SLITRK4: variants seen among roughly 807,000 people sequenced by gnomAD.
SLITRK4 encodes the protein SLIT and NTRK like family member 4, also known as SLIT and NTRK-like protein 4.
In SLITRK4, 7 loss-of-function variants were observed where a neutral mutation model predicts 34.7. The ratio of observed to expected loss-of-function variants is 0.20; its 90% CI spans 0.11 to 0.38. The LOEUF (loss-of-function observed/expected upper bound fraction) is 0.38, where lower values mean the gene tolerates loss of function less well. Ranked by LOEUF, SLITRK4 falls within the 10% of genes least tolerant of loss-of-function variation. The pLI, the probability that SLITRK4 is intolerant of heterozygous loss-of-function variation, is 1.00. For synonymous variants in SLITRK4, 237 were observed against 246.2 expected, an observed-to-expected ratio of 0.96 and a Z score of 0.35; for missense variants, 474 against 607.0, an observed-to-expected ratio of 0.78 and a Z score of 2.30.
At position 143,627,227 on chromosome X, in the gene SLITRK4, T is replaced by C. The variant is rs1930822029; in HGVS notation, c.*1368A>G. On this transcript the variant is annotated 3_prime_UTR_variant, in exon 2 of 2. Coordinates refer to ENST00000356928, the MANE Select transcript of SLITRK4 (RefSeq NM_001184749.3). Reference sequence around the variant, plus strand: ...TAGTCTGAATGATGAAAGAACAGGATACTGATGCATACAAGATATAACTAT... The same window carrying C: ...TAGTCTGAATGATGAAAGAACAGGACACTGATGCATACAAGATATAACTAT... 2 of 108,925 alleles carry C rather than the reference T, an allele frequency of 1.8e-5. No homozygotes were observed. The highest frequency in any genetic ancestry group is 6.7e-5 in the African/African-American group (2 of 29,976). 9.0% of individuals were successfully genotyped at this position (108,925 alleles called of 1,213,427 possible). A position where few individuals can be genotyped will look rare whatever the true frequency, so the allele number is the denominator to read the frequency against.
At chrX:143,635,495 C>CACACAT (rs1556431199) in intron 1 of SLITRK4, among the ~76,000 whole-genome samples, 27 of 97,626 alleles carry the variant, frequency 2.8e-4, no homozygotes, top group African/African-American at 9.9e-4. Flanking sequence ...CACACACACA[C>CACACAT]ACACACACAC....
At chrX:143,634,539 TG>T (rs200358161) in intron 1 of SLITRK4, 2,360 of 53,398 alleles carry the variant, frequency 0.044, 53 homozygotes, top group African/African-American at 0.088. Context: ...TGGGGTATGG[TG>T]GGGGGGGGGG....
At position 143,624,815 on chromosome X, in the gene SLITRK4, C is replaced by G. The variant is rs781794835; in HGVS notation, c.*3780G>C. ...GCAAACAAAAGTCATTAAAACAGTT[C>G]TTTTCTGTGATTTACATGAGCTTTT... On this transcript the variant is annotated 3_prime_UTR_variant, in exon 2 of 2. Coordinates refer to ENST00000356928, the MANE Select transcript of SLITRK4 (RefSeq NM_001184749.3). The G allele has an allele frequency of 9.0e-6, 1 of 111,500 alleles. No individual in the cohort carries two copies. Among genetic ancestry groups the G allele is most frequent in the African/African-American group, 3.2e-5 (1 of 30,861 alleles). 9.2% of individuals were successfully genotyped at this position (111,500 alleles called of 1,213,427 possible). A position where few individuals can be genotyped will look rare whatever the true frequency, so the allele number is the denominator to read the frequency against.
In SLITRK4 at chrX:143,626,119, T is replaced by C. The variant is rs1297632881; in HGVS notation, c.*2476A>G. 3 of 111,403 alleles carry C rather than the reference T, an allele frequency of 2.7e-5. No individual in the cohort carries two copies. Among genetic ancestry groups the C allele is most frequent in the Non-Finnish European group, 5.7e-5 (3 of 52,837 alleles). 9.2% of individuals were successfully genotyped at this position (111,403 alleles called of 1,213,427 possible). Reference sequence around the variant, plus strand: ...GAATGGAACTTTCTGATTCCTCCTATAAGTGTCTATTTAAGATCCTTCAAG... The same window carrying C: ...GAATGGAACTTTCTGATTCCTCCTACAAGTGTCTATTTAAGATCCTTCAAG... On this transcript the variant is annotated 3_prime_UTR_variant, in exon 2 of 2. Coordinates refer to ENST00000356928, the MANE Select transcript of SLITRK4 (RefSeq NM_001184749.3).
rs1930798558 is a variant in SLITRK4 at position 143,626,762 on chromosome X, A to C, written c.*1833T>G. On this transcript the variant is annotated 3_prime_UTR_variant, in exon 2 of 2. Transcript: ENST00000356928. ...CTGATTCATAAGGTAATTATAAGAG[A>C]TAGGACACACACTCTCACACATGCA... 1 of 107,617 alleles carries C rather than the reference A, an allele frequency of 9.3e-6. No individual in the cohort carries two copies. The highest frequency in any genetic ancestry group is 1.9e-5 in the Non-Finnish European group (1 of 51,890). 8.9% of individuals were successfully genotyped at this position (107,617 alleles called of 1,213,427 possible).
Position 143,630,256 on chromosome X carries a change from T to C in SLITRK4, c.853A>G (p.Thr285Ala), listed in dbSNP as rs1159400521. ...LPPSQLENGY[T>A]TPNGHTTQTS... ...TGGGTAGTGTGACCATTGGGAGTGG[T>C]GTAGCCATTTTCCAGCTGAGATGGA... The change falls in exon 2 of 2, where the codon ACC (threonine) becomes GCC (alanine). Residue 285 changes from threonine (T) to alanine (A), a missense_variant. Physicochemically the swap from Thr to Ala is moderately conservative, Grantham distance 58. This residue lies in a region of SLITRK4 where 345 missense variants were observed against 406.5 expected (regional missense o/e 0.85). Transcript: ENST00000356928. The C allele has an allele frequency of 1.7e-6, 2 of 1,209,824 alleles. No homozygotes were observed. Among genetic ancestry groups the C allele is most frequent in the African/African-American group, 1.8e-5 (1 of 57,064 alleles).
chrX:143,628,491 T>C lies in SLITRK4; in HGVS notation c.*104A>G, dbSNP rs1930889077. On this transcript the variant is annotated 3_prime_UTR_variant, in exon 2 of 2. Transcript: ENST00000356928. The stretch of plus-strand genomic sequence containing the variant: ...TTAATGAGACACCCTTGGAAACACC[T>C]GCCTCCATGCCTATTGATAATATAG... The C allele has an allele frequency of 3.3e-6, 2 of 608,600 alleles. No individual in the cohort carries two copies. The highest frequency in any genetic ancestry group is 7.0e-5 in the East Asian group (2 of 28,647). The allele number at this position is 608,600 out of a possible 1,213,427, so 50.2% of individuals were successfully genotyped here. A position where few individuals can be genotyped will look rare whatever the true frequency, so the allele number is the denominator to read the frequency against.
rs999023384 is a variant in SLITRK4, at chrX:143,627,014, A to G, written c.*1581T>C. ...GAGCTCCTACAAAAGTTCCGACATC[A>G]CCCATTATCAGTTACTTTATTCCTT... is the stretch of plus-strand genomic sequence containing the variant. On this transcript the variant is annotated 3_prime_UTR_variant, in exon 2 of 2. Transcript: ENST00000356928. The G allele has an allele frequency of 5.8e-4, 63 of 108,305 alleles. No homozygotes were observed. The highest frequency in any genetic ancestry group is 1.2e-3 in the African/African-American group (35 of 29,890). 8.9% of individuals were successfully genotyped at this position (108,305 alleles called of 1,213,427 possible).
chrX:143,631,555 G>A (rs782188942), intron 1 of SLITRK4, among the ~76,000 whole-genome samples: 1 of 109,580 alleles, frequency 9.1e-6, no homozygotes, highest in South Asian at 4.1e-4. Flanking sequence ...GTACCACAAA[G>A]CCATTTTGAT....
Position 143,629,785 on chromosome X carries a change from G to A in SLITRK4, c.1324C>T (p.Pro442Ser). 1 of 1,209,611 alleles carries A rather than the reference G, an allele frequency of 8.3e-7. No individual in the cohort carries two copies. The highest frequency in any genetic ancestry group is 1.1e-6 in the Non-Finnish European group (1 of 893,763). The change falls in exon 2 of 2, where the codon CCT becomes TCT. Residue 442 changes from proline to serine, a missense_variant. Pro to Ser is a moderately conservative substitution (Grantham distance 74). This residue lies in a region of SLITRK4 where 345 missense variants were observed against 406.5 expected (regional missense o/e 0.85). Transcript: ENST00000356928. ...LNGNQIERLY[P>S]EIFSGLHNLQ... ...TTATGAAGACCTGAAAATATTTCAG[G>A]ATAGAGTCTCTCAATTTGATTGCCA...
rs1930745578 is a variant in SLITRK4 at position 143,625,190 on chromosome X, G to A, written c.*3405C>T. The A allele has an allele frequency of 9.1e-6, 1 of 110,491 alleles. No homozygotes were observed. Among genetic ancestry groups the A allele is most frequent in the Non-Finnish European group, 1.9e-5 (1 of 52,514 alleles). 9.1% of individuals were successfully genotyped at this position (110,491 alleles called of 1,213,427 possible). A position where few individuals can be genotyped will look rare whatever the true frequency, so the allele number is the denominator to read the frequency against. On this transcript the variant is annotated 3_prime_UTR_variant, in exon 2 of 2. Transcript: ENST00000356928. ...CCTTATGGCTTAAAGAAAAGTAAAT[G>A]TTTAAAAAAAGCAACAAAAGAAAGA... is the stretch of plus-strand genomic sequence containing the variant.
In SLITRK4 at chrX:143,625,296, T is replaced by G. The variant is rs1186315516; in HGVS notation, c.*3299A>C. ...ACTAAATATAGAATATAAATTGCCTTATAGACTTGAATCACTCTACTTTAA... is the reference window on the plus strand; with the variant it reads ...ACTAAATATAGAATATAAATTGCCTGATAGACTTGAATCACTCTACTTTAA... On this transcript the variant is annotated 3_prime_UTR_variant, in exon 2 of 2. Coordinates refer to ENST00000356928, the MANE Select transcript of SLITRK4 (RefSeq NM_001184749.3). The G allele has an allele frequency of 1.8e-5, 2 of 111,720 alleles. No homozygotes were observed. Among genetic ancestry groups the G allele is most frequent in the African/African-American group, 3.2e-5 (1 of 30,891 alleles). The allele number at this position is 111,720 out of a possible 1,213,427, so 9.2% of individuals were successfully genotyped here.
chrX:143,628,473 G>T lies in SLITRK4; in HGVS notation c.*122C>A. 2.0e-6 allele frequency: 1 copy of T among 509,003 alleles called. No individual in the cohort carries two copies. Among genetic ancestry groups the T allele is most frequent in the South Asian group, 3.7e-5 (1 of 27,152 alleles). The allele number at this position is 509,003 out of a possible 1,213,427, so 41.9% of individuals were successfully genotyped here. ...ACATCTTTGCAGCTACAGTTAATGA[G>T]ACACCCTTGGAAACACCTGCCTCCA... is the stretch of plus-strand genomic sequence containing the variant. On this transcript the variant is annotated 3_prime_UTR_variant, in exon 2 of 2. Coordinates refer to ENST00000356928, the MANE Select transcript of SLITRK4 (RefSeq NM_001184749.3).
chrX:143,624,945 T>C lies in SLITRK4; in HGVS notation c.*3650A>G, dbSNP rs918866801. ...TTTTTACTTTATTTTAAAATAGTGA[T>C]TATAAATACATTCTTAATATAGTTT... On this transcript the variant is annotated 3_prime_UTR_variant, in exon 2 of 2. Transcript: ENST00000356928. 2 of 111,402 alleles carry C rather than the reference T, an allele frequency of 1.8e-5. No individual in the cohort carries two copies. The highest frequency in any genetic ancestry group is 6.5e-5 in the African/African-American group (2 of 30,770). The allele number at this position is 111,402 out of a possible 1,213,427, so 9.2% of individuals were successfully genotyped here.
At position 143,625,955 on chromosome X, in the gene SLITRK4, C is replaced by T. The variant is rs782053162; in HGVS notation, c.*2640G>A. The T allele has an allele frequency of 9.0e-6, 1 of 111,621 alleles. No individual in the cohort carries two copies. Among genetic ancestry groups the T allele is most frequent in the Admixed American group, 9.5e-5 (1 of 10,545 alleles). The allele number at this position is 111,621 out of a possible 1,213,427, so 9.2% of individuals were successfully genotyped here. On this transcript the variant is annotated 3_prime_UTR_variant, in exon 2 of 2. Coordinates refer to ENST00000356928, the MANE Select transcript of SLITRK4 (RefSeq NM_001184749.3). Reference sequence around the variant, plus strand: ...CTTTTAGCAGAAGAGTATGAGATAGCCAATATGCTACAGCAAGCTTTTGAG... The same window carrying T: ...CTTTTAGCAGAAGAGTATGAGATAGTCAATATGCTACAGCAAGCTTTTGAG...
chrX:143,629,385 T>C lies in SLITRK4; in HGVS notation c.1724A>G (p.Lys575Arg), dbSNP rs782705628. The C allele has an allele frequency of 5.8e-6, 7 of 1,209,953 alleles. No individual in the cohort carries two copies. The Admixed American group carries it at 1.3e-4, about 23-fold the overall frequency. The change falls in exon 2 of 2, where the codon AAA (lysine) becomes AGA (arginine). Residue 575 changes from lysine (K) to arginine (R), a missense_variant. Physicochemically the swap from Lys to Arg is conservative, Grantham distance 26. Around this residue, in one of 3 missense-constraint regions of SLITRK4, gnomAD observed 345 missense variants for 406.5 expected, o/e 0.85. Transcript: ENST00000356928. ...QFANIELKSLKNEILCPKLLN... is the reference protein window; with the variant it reads ...QFANIELKSLRNEILCPKLLN... ...AAGTTTGGGACATAAGATTTCATTTTTGAGGGACTTCAGTTCAATGTTGGC... is the reference window on the plus strand; with the variant it reads ...AAGTTTGGGACATAAGATTTCATTTCTGAGGGACTTCAGTTCAATGTTGGC...
intron 1 of SLITRK4, among the ~76,000 whole-genome samples, chrX:143,631,384 C>T (rs1245228204): frequency 9.0e-6 from 1 of 111,156 alleles, no homozygotes; most frequent in Non-Finnish European, 1.9e-5. Context: ...GTGCAGAACA[C>T]ACAACTAACA....
chrX:143,628,482 G>T lies in SLITRK4; in HGVS notation c.*113C>A. 1.8e-6 allele frequency: 1 copy of T among 561,279 alleles called. No homozygotes were observed. The highest frequency in any genetic ancestry group is 2.8e-6 in the Non-Finnish European group (1 of 359,035). The allele number at this position is 561,279 out of a possible 1,213,427, so 46.3% of individuals were successfully genotyped here. On this transcript the variant is annotated 3_prime_UTR_variant, in exon 2 of 2. Transcript: ENST00000356928. The stretch of plus-strand genomic sequence containing the variant: ...CAGCTACAGTTAATGAGACACCCTT[G>T]GAAACACCTGCCTCCATGCCTATTG...
rs1556428162 is a variant in SLITRK4 at position 143,630,797 on chromosome X, A to G, written c.312T>C (p.Leu104=). The change falls in exon 2 of 2, where the codon CTT becomes CTC. Residue 104 remains leucine (L), a synonymous_variant. Coordinates refer to ENST00000356928, the MANE Select transcript of SLITRK4 (RefSeq NM_001184749.3). ...KLQNIEGGAF[L]GLSALKQLHL... Reference sequence around the variant, plus strand: ...GCAACTGCTTTAATGCACTGAGCCCAAGAAAGGCTCCTCCCTCAATGTTCT... The same window carrying G: ...GCAACTGCTTTAATGCACTGAGCCCGAGAAAGGCTCCTCCCTCAATGTTCT... 2.5e-6 allele frequency: 3 copies of G among 1,212,172 alleles called. No individual in the cohort carries two copies. Among genetic ancestry groups the G allele is most frequent in the Non-Finnish European group, 2.2e-6 (2 of 895,585 alleles).
Sources: allele counts gnomAD v4.1 joint callset (sites outside exome capture counted in the v4.1 genomes callset), GRCh38; gene constraint gnomAD v4.1.1; regional missense constraint gnomAD v4.1.1; transcripts MANE v1.5; gene names NCBI Gene and HGNC (gene_info 2026-07-23, HGNC 2026-07-21).